The following ACLY variants were observed in gnomAD, a reference collection of about 807,000 sequenced individuals.
ACLY encodes the protein ATP-citrate synthase.
ACLY carries 41 observed loss-of-function variants against 133.0 expected under a neutral mutation model. The ratio of observed to expected loss-of-function variants is 0.31; its 90% CI spans 0.24 to 0.40. The LOEUF is 0.40. ACLY is among the 10% of genes least tolerant of loss of function. ACLY has a pLI of 1.00. For missense variants in ACLY, 1,046 were observed against 1,453.8 expected (o/e 0.72, Z 4.56); for synonymous variants, 495 against 549.3 (o/e 0.90, Z 1.38).
intron 16 of ACLY, among the ~76,000 whole-genome samples, chr17:41,890,681 T>G (rs1382029855): frequency 6.7e-6 from 1 of 149,756 alleles, no homozygotes; most frequent in East Asian, 2.0e-4. Context: ...AGAGTGAAAC[T>G]CTGTCTCAAA....
intron 22 of ACLY, among the ~76,000 whole-genome samples, chr17:41,874,375 G>C (rs1555625621): frequency 2.0e-5 from 3 of 151,910 alleles, no homozygotes; most frequent in Admixed American, 6.6e-5. Flanking sequence ...AGGCTCAAGC[G>C]ATCTGCCCAG....
At chr17:41,910,156 G>T in intron 4 of ACLY, 66 bp downstream of exon 4, 2 of 1,499,768 alleles carry the variant, frequency 1.3e-6, no homozygotes, top group South Asian at 2.4e-5. Context: ...CTTTCCTCAG[G>T]TTACGGTGGA....
rs782047921 is a variant in ACLY at position 41,918,853 on chromosome 17, C to A, written c.-24+27G>T. 1.8e-4 allele frequency: 227 copies of A among 1,286,850 alleles called. 1 individual carries two copies. The Middle Eastern group carries it at 2.3e-3, about 13-fold the overall frequency. The allele number at this position is 1,286,850 out of a possible 1,614,324, so 79.7% of individuals were successfully genotyped here. On this transcript the variant is annotated intron_variant, in intron 1 of 28. Transcript: ENST00000352035. ...AGCTCCTAGGGCGAGCGGGCTCCAG[C>A]CAGCGAAAACAGCCTCCCGTGCTCA...
At chr17:41,896,597 G>A (rs781853356) in intron 14 of ACLY, 23 bp downstream of exon 14, 3 of 1,539,644 alleles carry the variant, frequency 1.9e-6, no homozygotes, top group African/African-American at 2.8e-5. Flanking sequence ...ACGCGGAGTG[G>A]GGGCAGGGTG....
intron 25 of ACLY, among the ~76,000 whole-genome samples, 192 bp downstream of exon 25, chr17:41,871,497 C>T (rs1162458395): frequency 6.6e-6 from 1 of 152,098 alleles, no homozygotes; most frequent in Non-Finnish European, 1.5e-5. Flanking sequence ...GGATTACAGG[C>T]ATGCACCACC....
chr17:41,897,945 A>G, intron 12 of ACLY, 106 bp from the exon 13 acceptor site: 2 of 924,834 alleles, frequency 2.2e-6, no homozygotes, highest in South Asian at 3.4e-5. Flanking sequence ...AATTATGCAC[A>G]GCAATGCTCT....
rs2049322517 is a variant in ACLY at position 41,894,879 on chromosome 17, C to T, written c.1460-1705G>A. 2.0e-5 allele frequency among the ~76,000 whole-genome samples: 3 copies of T among 152,254 alleles called. No individual in the cohort carries two copies. In the South Asian group the frequency reaches 6.2e-4, roughly 32 times the overall value. On this transcript the variant is annotated intron_variant, in intron 14 of 28. Coordinates refer to ENST00000352035, the MANE Select transcript of ACLY (RefSeq NM_001096.3). ...CCCAGTGGCATCTCGTATTAATTAA[C>T]CTACTGTACTAGAGCAGGCTTGGCT... is the stretch of plus-strand genomic sequence containing the variant.
chr17:41,909,085 G>C lies in ACLY; in HGVS notation c.537-17C>G. ...GCCAGAATTCTAGAGGTGGGAGGGAGAGAGGGACAGTTCATCCATCAGGGA... is the reference window on the plus strand; with the variant it reads ...GCCAGAATTCTAGAGGTGGGAGGGACAGAGGGACAGTTCATCCATCAGGGA... On this transcript the variant is annotated splice_polypyrimidine_tract_variant and intron_variant, in intron 5 of 28. Transcript: ENST00000352035. 6.3e-7 allele frequency: 1 copy of C among 1,597,722 alleles called. No individual in the cohort carries two copies. Among genetic ancestry groups the C allele is most frequent in the Non-Finnish European group, 8.6e-7 (1 of 1,168,448 alleles).
At chr17:41,878,974 A>G in intron 20 of ACLY, 50 bp from the exon 21 acceptor site, 9 of 1,610,652 alleles carry the variant, frequency 5.6e-6, no homozygotes, top group Non-Finnish European at 6.8e-6. Context: ...AAGAGTGAAC[A>G]TAGAATCCCA....
chr17:41,909,752 G>T, intron 4 of ACLY, 52 bp from the exon 5 acceptor site: 1 of 1,546,708 alleles, frequency 6.5e-7, no homozygotes, highest in Non-Finnish European at 8.9e-7. Flanking sequence ...GGGCGAAGCT[G>T]GTGAGGGGCG....
intron 1 of ACLY, among the ~76,000 whole-genome samples, chr17:41,914,500 G>C (rs797038489): frequency 1.3e-5 from 2 of 152,332 alleles, no homozygotes; most frequent in African/African-American, 4.8e-5. Context: ...CCCAGGTCCT[G>C]GTTAGAAGGG....
At chr17:41,879,763 G>A (rs2048867261) in intron 20 of ACLY, among the ~76,000 whole-genome samples, 1 of 147,118 alleles carries the variant, frequency 6.8e-6, no homozygotes, top group African/African-American at 2.5e-5. Flanking sequence ...CAGTTCCCCA[G>A]GCTGGAATGC....
intron 10 of ACLY, 128 bp downstream of exon 10, chr17:41,904,601 A>G: frequency 1.2e-6 from 1 of 851,500 alleles, no homozygotes; most frequent in Non-Finnish European, 1.9e-6. Context: ...ACCCTGGGGC[A>G]AGAGCTCCCT....
rs138954473 is a variant in ACLY at position 41,884,229 on chromosome 17, G to A, written c.2118C>T (p.Asp706=). ...CCACAATCATTTTGACTCCTGGAGT[G>A]TCCTGATAGCGTAACACATGATCCA... The part of the protein sequence containing the change: ...TFMDHVLRYQ[D]TPGVKMIVVL... Residue 706 remains aspartate, a synonymous_variant, in exon 19 of 29, where the codon GAC becomes GAT. Transcript: ENST00000352035. 4 of 1,612,226 alleles carry A rather than the reference G, an allele frequency of 2.5e-6. No individual in the cohort carries two copies. The highest frequency in any genetic ancestry group is 2.7e-5 in the African/African-American group (2 of 74,828).
intron 19 of ACLY, 37 bp from the exon 20 acceptor site, chr17:41,883,269 G>C (rs782224132): frequency 4.0e-5 from 63 of 1,565,156 alleles, no homozygotes; most frequent in Middle Eastern, 1.7e-4. Context: ...AGCCAAGTTA[G>C]TGCAGCCCAT....
chr17:41,922,370 C>CAAAAA (rs1164362085), upstream of ACLY, among the ~76,000 whole-genome samples: 55 of 30,576 alleles, frequency 1.8e-3, no homozygotes, highest in Admixed American at 4.5e-3. Flanking sequence ...CAGAGCGAGA[C>CAAAAA]AAAAAAAAAA....
intron 12 of ACLY, among the ~76,000 whole-genome samples, 160 bp from the exon 13 acceptor site, chr17:41,897,999 A>C (rs1049179699): frequency 4.6e-5 from 7 of 152,204 alleles, no homozygotes; most frequent in African/African-American, 9.6e-5. Flanking sequence ...CTAAGATACG[A>C]ATTAATATTA....
chr17:41,913,978 G>C, intron 1 of ACLY, 82 bp from the exon 2 acceptor site: 1 of 1,346,868 alleles, frequency 7.4e-7, no homozygotes, highest in Non-Finnish European at 1.0e-6. Context: ...CCCACTCCCA[G>C]TTGCCCCCAG....
chr17:41,891,284 C>T (rs1490380643), intron 16 of ACLY, among the ~76,000 whole-genome samples: 2 of 152,072 alleles, frequency 1.3e-5, no homozygotes, highest in East Asian at 1.9e-4. Context: ...CCGCCTCTGC[C>T]GCCCAACAAA....
Sources: allele counts gnomAD v4.1 joint callset (sites outside exome capture counted in the v4.1 genomes callset), GRCh38; gene constraint gnomAD v4.1.1; transcripts MANE v1.5; gene names NCBI Gene and HGNC (gene_info 2026-07-23, HGNC 2026-07-21).